The following PANK2 variants were observed in gnomAD, a reference collection of about 807,000 sequenced individuals.
The protein encoded by PANK2 is pantothenate kinase 2, mitochondrial.
PANK2 carries 36 observed loss-of-function variants against 43.1 expected under a neutral mutation model. The ratio of observed to expected loss-of-function variants is 0.84; its 90% confidence interval spans 0.64 to 1.10. PANK2 has a LOEUF of 1.10. PANK2 is among the 50% of genes least tolerant of loss of function. The pLI is 0.00. For missense variants in PANK2, 576 were observed against 593.3 expected, an observed-to-expected ratio of 0.97 and a Z score of 0.30; for synonymous variants, 281 against 238.2, an observed-to-expected ratio of 1.18 and a Z score of -1.66.
chr20:3,892,984 T>C (rs1336531634), intron 1 of PANK2, among the ~76,000 whole-genome samples: 1 of 152,052 alleles, frequency 6.6e-6, no homozygotes, highest in East Asian at 1.9e-4. Flanking sequence ...AAATACCAAA[T>C]AAAGATTGAT....
chr20:3,916,887 C>T lies in PANK2; in HGVS notation c.1083-40C>T, dbSNP rs2090568682. On this transcript the variant is annotated intron_variant, in intron 4 of 6. Coordinates refer to ENST00000610179, the MANE Select transcript of PANK2 (RefSeq NM_001386393.1). ...ATTCAAGTTCTGTTGGGCTTTGTTG[C>T]TGTTGGTTTAGCAATGGGATTTTTT... The T allele has an allele frequency of 8.1e-6, 13 of 1,611,872 alleles. No individual in the cohort carries two copies. In the East Asian group the frequency reaches 2.9e-4, roughly 36 times the overall value.
chr20:3,892,732 T>C (rs114139568), intron 1 of PANK2, among the ~76,000 whole-genome samples: 2,612 of 150,060 alleles, frequency 0.017, 86 homozygotes, highest in African/African-American at 0.061. Flanking sequence ...AAGGTGCAGA[T>C]AGATACTAGT....
rs1275311325 is a variant in PANK2 at position 3,925,995 on chromosome 20, C to G, written c.*2701C>G. ...CTAGTGGCCATGAAGGGGGCTGTGACCGTGGTCCAGGTGAGAAAGGAAGGC... is the reference window on the plus strand; with the variant it reads ...CTAGTGGCCATGAAGGGGGCTGTGAGCGTGGTCCAGGTGAGAAAGGAAGGC... On this transcript the variant is annotated 3_prime_UTR_variant, in exon 7 of 7. Coordinates refer to ENST00000610179, the MANE Select transcript of PANK2 (RefSeq NM_001386393.1). 2 of 152,288 alleles carry G rather than the reference C, an allele frequency of 1.3e-5. No individual in the cohort carries two copies. Among genetic ancestry groups the G allele is most frequent in the African/African-American group, 4.8e-5 (2 of 41,416 alleles). 9.4% of individuals were successfully genotyped at this position (152,288 alleles called of 1,614,324 possible).
rs191392135 is a variant in PANK2 at position 3,917,123 on chromosome 20, T to A, written c.1206+73T>A. On this transcript the variant is annotated intron_variant, in intron 5 of 6. Transcript: ENST00000610179. ...TTAAGTGGGCCCCATCACGTCTGTT[T>A]TCTCAGAACAGTGCCTAAATGTAGT... 3 of 1,586,446 alleles carry A rather than the reference T, an allele frequency of 1.9e-6. No homozygotes were observed. In the African/African-American group the frequency reaches 4.0e-5, roughly 21 times the overall value.
In PANK2 at chr20:3,889,690, C is replaced by G. The variant is rs1253487754; in HGVS notation, c.260C>G (p.Ser87Cys). Residue 87 changes from serine to cysteine, a missense_variant, in exon 1 of 7, where the codon TCC becomes TGC. By Grantham distance (112) the Ser-to-Cys change is moderately radical. Transcript: ENST00000610179. ...TCTTACAGCGGCCCCACCTCGGTCT[C>G]CCGCCAGCGCGTCGAAAGCCTGAGG... 1 of 1,595,342 alleles carries G rather than the reference C, an allele frequency of 6.3e-7. No individual in the cohort carries two copies. Among genetic ancestry groups the G allele is most frequent in the East Asian group, 2.2e-5 (1 of 44,786 alleles).
intron 6 of PANK2, among the ~76,000 whole-genome samples, chr20:3,921,082 G>A (rs6139243): frequency 6.6e-6 from 1 of 152,044 alleles, no homozygotes; most frequent in Non-Finnish European, 1.5e-5. Flanking sequence ...TTAAGTTCTA[G>A]GATACATGTG....
intron 4 of PANK2, among the ~76,000 whole-genome samples, chr20:3,913,259 T>C (rs980267166): frequency 1.3e-5 from 2 of 152,230 alleles, no homozygotes; most frequent in African/African-American, 2.4e-5. Flanking sequence ...ATATGATCTT[T>C]TGTGATTACT....
chr20:3,916,595 A>G (rs1399729892), intron 4 of PANK2, among the ~76,000 whole-genome samples: 1 of 152,182 alleles, frequency 6.6e-6, no homozygotes, highest in African/African-American at 2.4e-5. Context: ...AATTGCTGTT[A>G]GAGGTGTTGT....
chr20:3,911,579 G>A (rs547755918), intron 3 of PANK2, among the ~76,000 whole-genome samples: 5 of 108,874 alleles, frequency 4.6e-5, no homozygotes, highest in South Asian at 3.2e-4. Flanking sequence ...GTGAGACTCC[G>A]TCTCAAAAAA....
chr20:3,896,609 G>A (rs998196974), intron 1 of PANK2, among the ~76,000 whole-genome samples: 2 of 152,102 alleles, frequency 1.3e-5, no homozygotes, highest in Non-Finnish European at 2.9e-5. Flanking sequence ...CTGGGGAGGG[G>A]TGGGGGCTTG....
intron 6 of PANK2, among the ~76,000 whole-genome samples, chr20:3,919,566 A>G (rs982320245): frequency 6.6e-6 from 1 of 152,226 alleles, no homozygotes; most frequent in African/African-American, 2.4e-5. Context: ...GTACAATTGT[A>G]GACAGGCTGG....
intron 4 of PANK2, among the ~76,000 whole-genome samples, chr20:3,914,130 T>A (rs2090522501): frequency 6.6e-6 from 1 of 151,876 alleles, no homozygotes; most frequent in African/African-American, 2.4e-5. Context: ...TACCTGAGAG[T>A]AGAATTGCTG....
chr20:3,923,151 G>A (rs2090673131), intron 6 of PANK2, 93 bp from the exon 7 acceptor site: 1 of 1,382,414 alleles, frequency 7.2e-7, no homozygotes, highest in Non-Finnish European at 1.0e-6. Flanking sequence ...CTGTGTGTGG[G>A]CAGTGGTTGG....
intron 1 of PANK2, among the ~76,000 whole-genome samples, chr20:3,904,210 G>A (rs2146849465): frequency 6.6e-6 from 1 of 152,162 alleles, no homozygotes; most frequent in African/African-American, 2.4e-5. Flanking sequence ...ATATGTAGTA[G>A]TTTGTCCCTT....
At chr20:3,894,464 T>G (rs2090173140) in intron 1 of PANK2, among the ~76,000 whole-genome samples, 1 of 151,860 alleles carries the variant, frequency 6.6e-6, no homozygotes, top group African/African-American at 2.4e-5. Context: ...GGTCTTGAGC[T>G]CTGGACCTCC....
intron 1 of PANK2, among the ~76,000 whole-genome samples, chr20:3,897,533 T>C (rs2090229719): frequency 6.6e-6 from 1 of 151,688 alleles, no homozygotes; most frequent in Non-Finnish European, 1.5e-5. Context: ...AAACCTCGTC[T>C]CTACAAAAAA....
At position 3,929,038 on chromosome 20, in the gene PANK2, G is replaced by A. The variant is rs1049550881; in HGVS notation, c.*5744G>A. 1 of 151,974 alleles carries A rather than the reference G, an allele frequency of 6.6e-6. No homozygotes were observed. Among genetic ancestry groups the A allele is most frequent in the African/African-American group, 2.4e-5 (1 of 41,378 alleles). The allele number at this position is 151,974 out of a possible 1,614,324, so 9.4% of individuals were successfully genotyped here. On this transcript the variant is annotated 3_prime_UTR_variant, in exon 7 of 7. Coordinates refer to ENST00000610179, the MANE Select transcript of PANK2 (RefSeq NM_001386393.1). ...AAATTTTTGTATTTTTAGTAGAGGG[G>A]GTTTCACCATATTGGTCAGGCTGGT...
chr20:3,891,096 C>T (rs2090115721), intron 1 of PANK2: 1 of 152,194 alleles, frequency 6.6e-6, no homozygotes, highest in Non-Finnish European at 1.5e-5. Flanking sequence ...GTTGCCCAGG[C>T]TGAAGTGCAG....
intron 1 of PANK2, among the ~76,000 whole-genome samples, chr20:3,906,519 A>G (rs1277055574): frequency 1.3e-5 from 2 of 152,210 alleles, no homozygotes; most frequent in African/African-American, 4.8e-5. Flanking sequence ...AAATGTGCTT[A>G]GAACCCTTAT....
Sources: allele counts gnomAD v4.1 joint callset (sites outside exome capture counted in the v4.1 genomes callset), GRCh38; gene constraint gnomAD v4.1.1; transcripts MANE v1.5; gene names NCBI Gene and HGNC (gene_info 2026-07-23, HGNC 2026-07-21).